HSD17B2: variants seen among roughly 807,000 people sequenced by gnomAD.
HSD17B2 encodes 17-beta-hydroxysteroid dehydrogenase type 2.
HSD17B2 carries 32 observed loss-of-function variants against 26.9 expected under a neutral mutation model. The ratio of observed to expected loss-of-function variants is 1.19; its 90% CI spans 0.90 to 1.60. The LOEUF is 1.60. Ranked by LOEUF, HSD17B2 falls within the 40% of genes most tolerant of loss-of-function variation. The pLI is 0.00. For synonymous variants in HSD17B2, 246 were observed against 186.7 expected, an observed-to-expected ratio of 1.32 and a Z score of -2.59; for missense variants, 613 against 468.6, an observed-to-expected ratio of 1.31 and a Z score of -2.85.
At chr16:82,064,870 G>T (rs1296113307) in intron 1 of HSD17B2, among the ~76,000 whole-genome samples, 2 of 152,154 alleles carry the variant, frequency 1.3e-5, no homozygotes, top group Admixed American at 6.5e-5. Flanking sequence ...ATCTCCATGT[G>T]CATGAAGGAA....
At chr16:82,080,302 T>C (rs531343427) in intron 3 of HSD17B2, among the ~76,000 whole-genome samples, 2 of 152,236 alleles carry the variant, frequency 1.3e-5, no homozygotes, top group South Asian at 2.1e-4. Context: ...GCACATGTGA[T>C]TGAGTGAAGG....
chr16:82,074,873 C>T (rs183940622), intron 3 of HSD17B2, among the ~76,000 whole-genome samples: 8 of 152,332 alleles, frequency 5.3e-5, no homozygotes, highest in Middle Eastern at 6.8e-3. Context: ...TTACAGAACA[C>T]TTCATCCAAA....
intron 1 of HSD17B2, among the ~76,000 whole-genome samples, chr16:82,067,645 G>A (rs1448157983): frequency 6.6e-6 from 1 of 152,208 alleles, no homozygotes; most frequent in Non-Finnish European, 1.5e-5. Flanking sequence ...CCAGGAGGGT[G>A]AGAAACACAG....
At chr16:82,091,764 T>G (rs538680719) in intron 4 of HSD17B2, 113 of 152,700 alleles carry the variant, frequency 7.4e-4, no homozygotes, top group Non-Finnish European at 1.3e-3. Context: ...CAGCTCTCAG[T>G]GTCCACCCAG....
intron 4 of HSD17B2, chr16:82,094,689 T>G (rs1256719257): frequency 6.6e-6 from 1 of 152,220 alleles, no homozygotes; most frequent in African/African-American, 2.4e-5. Context: ...AGAAAAGGAA[T>G]CTTCAGGGAC....
At chr16:82,081,977 C>T (rs1175891007) in intron 3 of HSD17B2, among the ~76,000 whole-genome samples, 2 of 152,176 alleles carry the variant, frequency 1.3e-5, no homozygotes, top group African/African-American at 4.8e-5. Flanking sequence ...CCATTATCCT[C>T]AGCAACCTAA....
chr16:82,064,928 T>C (rs1486680111), intron 1 of HSD17B2, among the ~76,000 whole-genome samples: 12 of 152,206 alleles, frequency 7.9e-5, no homozygotes, highest in Non-Finnish European at 1.3e-4. Flanking sequence ...ATGACCTCTT[T>C]GGTCAGACAG....
chr16:82,070,839 C>G (rs1356400263), intron 2 of HSD17B2, 103 bp from the exon 3 acceptor site: 1 of 1,097,470 alleles, frequency 9.1e-7, no homozygotes, highest in Non-Finnish European at 1.3e-6. Flanking sequence ...CCCAGGAGAC[C>G]TGGCTCACAC....
chr16:82,050,387 T>C (rs1914071606), intron 1 of HSD17B2, among the ~76,000 whole-genome samples: 1 of 152,050 alleles, frequency 6.6e-6, no homozygotes, highest in African/African-American at 2.4e-5. Context: ...ACTTTCCAAC[T>C]GCACCTAGAT....
At chr16:82,046,982 G>A (rs747260384) in intron 1 of HSD17B2, among the ~76,000 whole-genome samples, 2 of 152,168 alleles carry the variant, frequency 1.3e-5, no homozygotes, top group African/African-American at 2.4e-5. Context: ...AAGGGGTATT[G>A]GCTGCCATCT....
At chr16:82,094,434 C>T (rs1275124365) in intron 4 of HSD17B2, 2 of 152,212 alleles carry the variant, frequency 1.3e-5, no homozygotes. Flanking sequence ...GGTGATGGTG[C>T]TGAGTTGGGG....
At chr16:82,048,426 A>G (rs1483941954) in intron 1 of HSD17B2, among the ~76,000 whole-genome samples, 1 of 152,224 alleles carries the variant, frequency 6.6e-6, no homozygotes, top group Non-Finnish European at 1.5e-5. Context: ...GTCCCAGTGC[A>G]AAGGCAGCAA....
intron 1 of HSD17B2, among the ~76,000 whole-genome samples, chr16:82,048,209 G>A (rs542872976): frequency 6.6e-6 from 1 of 152,262 alleles, no homozygotes; most frequent in African/African-American, 2.4e-5. Flanking sequence ...CAGAGATTAG[G>A]ACAGGGCACT....
At chr16:82,055,379 T>C (rs1914234339) in intron 1 of HSD17B2, among the ~76,000 whole-genome samples, 1 of 152,216 alleles carries the variant, frequency 6.6e-6, no homozygotes, top group Non-Finnish European at 1.5e-5. Flanking sequence ...GCTTATTGAA[T>C]GTCTCCCATG....
chr16:82,062,457 T>C (rs1209265528), intron 1 of HSD17B2, among the ~76,000 whole-genome samples: 1 of 152,250 alleles, frequency 6.6e-6, no homozygotes, highest in African/African-American at 2.4e-5. Flanking sequence ...TGCTTATTCA[T>C]CCAACATGTG....
At chr16:82,041,117 G>C (rs548214851) in intron 1 of HSD17B2, among the ~76,000 whole-genome samples, 1 of 152,278 alleles carries the variant, frequency 6.6e-6, no homozygotes, top group Non-Finnish European at 1.5e-5. Flanking sequence ...GTTTTGACTG[G>C]GGAGTATTCT....
rs549228204 is a variant in HSD17B2 at position 82,053,990 on chromosome 16, A to G, written c.266-14180A>G. 2.0e-5 allele frequency among the ~76,000 whole-genome samples: 3 copies of G among 152,314 alleles called. No individual in the cohort carries two copies. The East Asian group carries it at 5.8e-4, about 29-fold the overall frequency. ...TAAGGTCACCATGCTCATTAAGTCA[A>G]GAGATTATGTGCTGGAGTCCTTACA... is the stretch of plus-strand genomic sequence containing the variant. On this transcript the variant is annotated intron_variant, in intron 1 of 4. Transcript: ENST00000199936.
chr16:82,077,214 T>C (rs1399723735), intron 3 of HSD17B2, among the ~76,000 whole-genome samples: 1 of 152,030 alleles, frequency 6.6e-6, no homozygotes, highest in Admixed American at 6.5e-5. Flanking sequence ...GCCAAAGATA[T>C]CCTGAGCAGA....
At chr16:82,044,566 TC>T (rs2143921019) in intron 1 of HSD17B2, 1 of 152,368 alleles carries the variant, frequency 6.6e-6, no homozygotes, top group South Asian at 2.1e-4. Flanking sequence ...CCTCTCCTTC[TC>T]AGTCCTGATC....
Sources: allele counts gnomAD v4.1 joint callset (sites outside exome capture counted in the v4.1 genomes callset), GRCh38; gene constraint gnomAD v4.1.1; transcripts MANE v1.5; gene names NCBI Gene and HGNC (gene_info 2026-07-23, HGNC 2026-07-21).